The following HCN2 variants were observed in gnomAD, a reference collection of about 807,000 sequenced individuals.
HCN2 encodes the protein hyperpolarization activated cyclic nucleotide gated potassium and sodium channel 2.
In HCN2, 20 loss-of-function variants were observed where a neutral mutation model predicts 52.3. That is an observed-to-expected ratio of 0.38 (90% CI 0.27 to 0.56). The LOEUF (loss-of-function observed/expected upper bound fraction) is 0.56. HCN2 is among the 20% of genes least tolerant of loss of function. HCN2 has a pLI of 0.71. For missense variants in HCN2, 981 were observed against 1,207.7 expected (o/e 0.81, Z 2.78); for synonymous variants, 694 against 537.0 (o/e 1.29, Z -4.04).
rs549736191 is a variant in HCN2, at chr19:590,607, G to C, written c.632+30G>C. The C allele has an allele frequency of 3.5e-5, 47 of 1,353,400 alleles. No individual in the cohort carries two copies. In the Admixed American group the frequency reaches 3.8e-4, roughly 11 times the overall value. 83.8% of individuals were successfully genotyped at this position (1,353,400 alleles called of 1,614,324 possible). On this transcript the variant is annotated intron_variant, in intron 1 of 7. Transcript: ENST00000251287. This position sits in a 1 kb window ranked among gnomAD's most constrained non-coding sequence, Gnocchi z 7.2. ...CGCCTCCGGGAGGGCCGGTCGGCGC[G>C]AGGGGGCCCGGGGAGCCGGGCGCGC...
rs570173268 is a variant in HCN2 at position 615,919 on chromosome 19, C to G, written c.2115C>G (p.Ala705=). ...ACGACCGCGAGATGGTGCAGCAGGCCGAGCTGGGTCAGCGCGTGGGCCTCT... is the reference window on the plus strand; with the variant it reads ...ACGACCGCGAGATGGTGCAGCAGGCGGAGCTGGGTCAGCGCGTGGGCCTCT... ...VKYDREMVQQ[A]ELGQRVGLFP... is the part of the protein sequence containing the mutation. Residue 705 remains alanine, a synonymous_variant, in exon 8 of 8, where the codon GCC becomes GCG. Coordinates refer to ENST00000251287, the MANE Select transcript of HCN2 (RefSeq NM_001194.4). 9 of 1,611,884 alleles carry G rather than the reference C, an allele frequency of 5.6e-6. No individual in the cohort carries two copies. In the South Asian group the frequency reaches 7.7e-5, roughly 14 times the overall value.
intron 1 of HCN2, among the ~76,000 whole-genome samples, chr19:596,941 C>T (rs1053462416): frequency 9.2e-5 from 14 of 152,290 alleles, no homozygotes; most frequent in Admixed American, 5.2e-4. Context: ...GAGACAGTGA[C>T]GCCCTGCAGG....
chr19:604,712 G>A (rs1178371157), intron 2 of HCN2, among the ~76,000 whole-genome samples: 3 of 115,010 alleles, frequency 2.6e-5, no homozygotes, highest in African/African-American at 9.9e-5. Flanking sequence ...TTTTGCTGGG[G>A]CAGGGCCAGA....
chr19:610,747 G>C (rs536233588), intron 5 of HCN2, among the ~76,000 whole-genome samples: 1 of 152,202 alleles, frequency 6.6e-6, no homozygotes, highest in Admixed American at 6.5e-5. Flanking sequence ...TGATTGGAGC[G>C]GGTTTAACTC....
chr19:616,060 C>T lies in HCN2; in HGVS notation c.2256C>T (p.Leu752=), dbSNP rs1356527409. 5.2e-6 allele frequency: 6 copies of T among 1,164,880 alleles called. No homozygotes were observed. Among genetic ancestry groups the T allele is most frequent in the South Asian group, 8.3e-5 (2 of 24,100 alleles). The allele number at this position is 1,164,880 out of a possible 1,614,324, so 72.2% of individuals were successfully genotyped here. A position where few individuals can be genotyped will look rare whatever the true frequency, so the allele number is the denominator to read the frequency against. Residue 752 remains leucine (L), a synonymous_variant, in exon 8 of 8, where the codon CTC becomes CTT. Transcript: ENST00000251287. The part of the protein sequence containing the change: ...VARPLVGPLA[L]GSPRLVRRPP... ...GGCCGCTCGTGGGGCCGCTGGCGCTCGGCTCGCCGCGCCTCGTGCGCCGCC... is the reference window on the plus strand; with the variant it reads ...GGCCGCTCGTGGGGCCGCTGGCGCTTGGCTCGCCGCGCCTCGTGCGCCGCC...
intron 1 of HCN2, among the ~76,000 whole-genome samples, chr19:600,421 A>G (rs1600522014): frequency 6.6e-6 from 1 of 151,062 alleles, no homozygotes; most frequent in Admixed American, 6.6e-5. Flanking sequence ...GCTCACTGCA[A>G]CCTCCGCCTC....
intron 1 of HCN2, among the ~76,000 whole-genome samples, chr19:597,012 G>A (rs780335481): frequency 6.6e-5 from 10 of 152,286 alleles, no homozygotes; most frequent in East Asian, 3.9e-4. Flanking sequence ...ATGCGTGGGC[G>A]CCCTTCTTCC....
At chr19:600,583 G>C (rs2144511790) in intron 1 of HCN2, among the ~76,000 whole-genome samples, 1 of 151,912 alleles carries the variant, frequency 6.6e-6, no homozygotes. Flanking sequence ...TTGACCTCAT[G>C]ATGCGACCAC....
At chr19:603,222 G>GC (rs371413393) in intron 1 of HCN2, among the ~76,000 whole-genome samples, 1 of 59,998 alleles carries the variant, frequency 1.7e-5, no homozygotes, top group African/African-American at 9.4e-5. Context: ...GGGCACCCTC[G>GC]CCCCCCAGGG....
Position 617,138 on chromosome 19 carries a change from T to A in HCN2, c.*664T>A. Reference sequence around the variant, plus strand: ...ACCCCCACACCCCCATTCCGCGCAATAAACGACAGCATTGGCGCCAAGCCT... The same window carrying A: ...ACCCCCACACCCCCATTCCGCGCAAAAAACGACAGCATTGGCGCCAAGCCT... On this transcript the variant is annotated 3_prime_UTR_variant, in exon 8 of 8. Coordinates refer to ENST00000251287, the MANE Select transcript of HCN2 (RefSeq NM_001194.4). 7 of 480,862 alleles carry A rather than the reference T, an allele frequency of 1.5e-5. No homozygotes were observed. The highest frequency in any genetic ancestry group is 2.3e-5 in the Non-Finnish European group (6 of 262,420). The allele number at this position is 480,862 out of a possible 1,614,324, so 29.8% of individuals were successfully genotyped here. A position where few individuals can be genotyped will look rare whatever the true frequency, so the allele number is the denominator to read the frequency against.
At chr19:600,917 C>T (rs1983182245) in intron 1 of HCN2, among the ~76,000 whole-genome samples, 2 of 152,176 alleles carry the variant, frequency 1.3e-5, no homozygotes, top group Admixed American at 6.5e-5. Flanking sequence ...GGACAGAAAC[C>T]GCACCCCGCA....
In HCN2 at chr19:616,405, C is replaced by T; in HGVS notation, c.2601C>T (p.Ala867=). 3 of 1,238,448 alleles carry T rather than the reference C, an allele frequency of 2.4e-6. No individual in the cohort carries two copies. Among genetic ancestry groups the T allele is most frequent in the Non-Finnish European group, 3.0e-6 (3 of 987,766 alleles). 76.7% of individuals were successfully genotyped at this position (1,238,448 alleles called of 1,614,324 possible). Residue 867 remains alanine, a synonymous_variant, in exon 8 of 8, where the codon GCC becomes GCT. Transcript: ENST00000251287. The part of the protein sequence containing the change: ...AAPSPDRRDS[A]SPGAAGGLDP... ...CCAGCCCGGACCGCAGGGACTCGGC[C>T]TCACCCGGCGCCGCCGGCGGCCTGG... is the stretch of plus-strand genomic sequence containing the variant.
rs201723796 is a variant in HCN2, at chr19:615,886, C to G, written c.2082C>G (p.Ile694Met). 1 of 1,612,802 alleles carries G rather than the reference C, an allele frequency of 6.2e-7. No individual in the cohort carries two copies. The highest frequency in any genetic ancestry group is 1.3e-5 in the African/African-American group (1 of 74,914). Residue 694 changes from isoleucine to methionine, a missense_variant, in exon 8 of 8, where the codon ATC becomes ATG. Transcript: ENST00000251287. ...NNQENAIIQE[I>M]VKYDREMVQQ... is the part of the protein sequence containing the mutation. ...AGGAGAACGCCATCATCCAGGAGAT[C>G]GTCAAGTACGACCGCGAGATGGTGC... is the stretch of plus-strand genomic sequence containing the variant.
Position 616,810 on chromosome 19 carries a change from C to A in HCN2, c.*336C>A. On this transcript the variant is annotated 3_prime_UTR_variant, in exon 8 of 8. Transcript: ENST00000251287. ...GGCTGAGAGGAGCCGGCTGTGGAGC[C>A]CCGCCCGCCCCCCACCCTCTAGGTG... 1 of 217,274 alleles carries A rather than the reference C, an allele frequency of 4.6e-6. No homozygotes were observed. The highest frequency in any genetic ancestry group is 9.1e-6 in the Non-Finnish European group (1 of 110,002). 13.5% of individuals were successfully genotyped at this position (217,274 alleles called of 1,614,324 possible).
chr19:612,768 C>A (rs1176191512), intron 5 of HCN2, among the ~76,000 whole-genome samples: 7 of 149,266 alleles, frequency 4.7e-5, no homozygotes, highest in Admixed American at 4.7e-4. Flanking sequence ...TCTTGTTCTG[C>A]GCTCAGGCTG....
chr19:605,343 G>C (rs1209642008), intron 3 of HCN2, 121 bp downstream of exon 3: 1 of 805,214 alleles, frequency 1.2e-6, no homozygotes, highest in East Asian at 3.0e-5. Context: ...GGGGACCCAG[G>C]CGCCCCCTTA....
intron 1 of HCN2, among the ~76,000 whole-genome samples, chr19:596,115 C>T (rs1051243208): frequency 9.2e-5 from 14 of 152,248 alleles, no homozygotes; most frequent in Admixed American, 3.3e-4. Context: ...CCTCCTCCCC[C>T]AAGCTTCATC....
At chr19:602,622 G>A (rs1014789636) in intron 1 of HCN2, among the ~76,000 whole-genome samples, 22 of 152,128 alleles carry the variant, frequency 1.4e-4, no homozygotes, top group African/African-American at 4.8e-4. Flanking sequence ...GCCCTGCCTC[G>A]CCCTGCTGCT....
chr19:593,289 C>T (rs536917428), intron 1 of HCN2, among the ~76,000 whole-genome samples: 1 of 152,224 alleles, frequency 6.6e-6, no homozygotes, highest in East Asian at 1.9e-4. Flanking sequence ...GTCCAGATTT[C>T]GGCTCTCAGG....
Sources: allele counts gnomAD v4.1 joint callset (sites outside exome capture counted in the v4.1 genomes callset), GRCh38; gene constraint gnomAD v4.1.1; non-coding constraint Gnocchi (gnomAD v3.1); transcripts MANE v1.5; gene names NCBI Gene and HGNC (gene_info 2026-07-23, HGNC 2026-07-21).